Variants in ATG4D observed in about 807,000 individuals in gnomAD.
ATG4D encodes the protein cysteine protease ATG4D.
In ATG4D, 51 loss-of-function variants were observed where a neutral mutation model predicts 55.2. That is an observed-to-expected ratio of 0.92 (90% CI 0.74 to 1.17). ATG4D has a LOEUF of 1.17. Among genes scored for constraint, ATG4D ranks in the 50% most tolerant of loss-of-function variants. The pLI is 0.00. For missense variants in ATG4D, 635 were observed against 649.6 expected, an observed-to-expected ratio of 0.98 and a Z score of 0.25; for synonymous variants, 268 against 266.2, an observed-to-expected ratio of 1.01 and a Z score of -0.07.
In ATG4D at chr19:10,544,954, T is replaced by G; in HGVS notation, c.320-3T>G. ...GTGGCAGCTGACAGACCCGCTCTTG[T>G]AGGTGACATACAGCGTTTCCAGCGG... On this transcript the variant is annotated splice_region_variant and splice_polypyrimidine_tract_variant and intron_variant, in intron 2 of 9. Transcript: ENST00000309469. 6.3e-7 allele frequency: 1 copy of G among 1,584,532 alleles called. No individual in the cohort carries two copies. Among genetic ancestry groups the G allele is most frequent in the Non-Finnish European group, 8.6e-7 (1 of 1,163,418 alleles).
At chr19:10,547,539 G>A (rs1368120002) in intron 5 of ATG4D, among the ~76,000 whole-genome samples, 1 of 149,300 alleles carries the variant, frequency 6.7e-6, no homozygotes, top group South Asian at 2.2e-4. Context: ...GAGGTGGGAG[G>A]ATTGCTTGAA....
chr19:10,544,758 G>T (rs748159013), intron 1 of ATG4D, 25 bp from the exon 2 acceptor site: 1 of 1,612,850 alleles, frequency 6.2e-7, no homozygotes, highest in South Asian at 1.1e-5. Context: ...TCATCTCGCT[G>T]GGCGCTGCCC....
Position 10,548,977 on chromosome 19 carries a change from G to A in ATG4D, c.909G>A (p.Leu303=). The A allele has an allele frequency of 6.2e-7, 1 of 1,614,086 alleles. No individual in the cohort carries two copies. Among genetic ancestry groups the A allele is most frequent in the Non-Finnish European group, 8.5e-7 (1 of 1,180,012 alleles). Residue 303 remains leucine, a synonymous_variant, in exon 6 of 10, where the codon CTG becomes CTA. Transcript: ENST00000309469. Reference sequence around the variant, plus strand: ...CCGAGTGGAAGTCTGTGGTCATCCTGGTGCCCGTGCGACTGGGTGGCGAGA... The same window carrying A: ...CCGAGTGGAAGTCTGTGGTCATCCTAGTGCCCGTGCGACTGGGTGGCGAGA... ...PTAEWKSVVI[L]VPVRLGGETL... is the part of the protein sequence containing the mutation.
intron 9 of ATG4D, among the ~76,000 whole-genome samples, chr19:10,552,546 A>T (rs1383913315): frequency 1.3e-5 from 2 of 152,198 alleles, no homozygotes; most frequent in Non-Finnish European, 2.9e-5. Context: ...CAGGGGCTCA[A>T]GTGGTGGGAA....
rs546774525 is a variant in ATG4D at position 10,553,103 on chromosome 19, A to AT, written c.*43dup. 58 of 1,548,378 alleles carry AT rather than the reference A, an allele frequency of 3.7e-5. 1 individual carries two copies. The South Asian group carries it at 6.2e-4, about 17-fold the overall frequency. On this transcript the variant is annotated 3_prime_UTR_variant, in exon 10 of 10. Coordinates refer to ENST00000309469, the MANE Select transcript of ATG4D (RefSeq NM_032885.6). ...TGAGGGGAAAGATACAACACTATTT[A>AT]TTTTTTTATTTATGTCATGTCGGGT...
chr19:10,546,762 G>A, intron 3 of ATG4D, 77 bp from the exon 4 acceptor site: 2 of 1,439,466 alleles, frequency 1.4e-6, no homozygotes, highest in African/African-American at 1.4e-5. Flanking sequence ...CATTCGCATT[G>A]TGTGCGGTGC....
chr19:10,544,725 G>A, intron 1 of ATG4D, 58 bp from the exon 2 acceptor site: 1 of 1,605,252 alleles, frequency 6.2e-7, no homozygotes, highest in African/African-American at 1.3e-5. Context: ...GAATGGAAGC[G>A]CTGTTGCTGT....
chr19:10,547,371 T>C, intron 5 of ATG4D, 118 bp downstream of exon 5: 1 of 1,225,198 alleles, frequency 8.2e-7, no homozygotes. Context: ...AGAGGGACAC[T>C]GGGGAAGGAT....
At chr19:10,548,836 G>A in intron 5 of ATG4D, 68 bp from the exon 6 acceptor site, 1 of 1,577,424 alleles carries the variant, frequency 6.3e-7, no homozygotes, top group South Asian at 1.2e-5. Context: ...GAGCCCCTGG[G>A]GTTAGAGGGC....
chr19:10,548,225 G>A (rs1039923105), intron 5 of ATG4D, among the ~76,000 whole-genome samples: 3 of 150,096 alleles, frequency 2.0e-5, no homozygotes, highest in African/African-American at 7.4e-5. Context: ...TAGAGTTGGG[G>A]TTTCACTGTC....
Position 10,552,953 on chromosome 19 carries a change from C to T in ATG4D, c.1311C>T (p.Asp437=). ...MFTLAEGHAQ[D]HSLDDLCSQL... ...CCCTGGCCGAGGGCCATGCTCAGGA[C>T]CACAGCCTGGACGACCTCTGCTCCC... Residue 437 remains aspartate, a synonymous_variant, in exon 10 of 10, where the codon GAC becomes GAT. Transcript: ENST00000309469. 2 of 1,613,794 alleles carry T rather than the reference C, an allele frequency of 1.2e-6. No individual in the cohort carries two copies. The highest frequency in any genetic ancestry group is 1.7e-6 in the Non-Finnish European group (2 of 1,179,996).
At chr19:10,551,697 CAAA>C (rs35373422) in intron 6 of ATG4D, among the ~76,000 whole-genome samples, 197 bp from the exon 7 acceptor site, 5 of 93,014 alleles carry the variant, frequency 5.4e-5, no homozygotes, top group African/African-American at 1.4e-4. Flanking sequence ...GACTCCGTCT[CAAA>C]AAAAAAAAAA....
At chr19:10,549,100 AG>A in intron 6 of ATG4D, 66 bp downstream of exon 6, 1 of 1,582,010 alleles carries the variant, frequency 6.3e-7, no homozygotes. Flanking sequence ...AGTTTGTGTT[AG>A]GGCTGCTGTT....
In ATG4D at chr19:10,552,072, A is replaced by G. The variant is rs1240619853; in HGVS notation, c.1073A>G (p.His358Arg). The G allele has an allele frequency of 1.2e-6, 2 of 1,606,374 alleles. No homozygotes were observed. Among genetic ancestry groups the G allele is most frequent in the East Asian group, 4.5e-5 (2 of 44,724 alleles). Residue 358 changes from histidine (H) to arginine (R), a missense_variant, in exon 8 of 10, where the codon CAC becomes CGC. Physicochemically the swap from His to Arg is conservative, Grantham distance 29. Coordinates refer to ENST00000309469, the MANE Select transcript of ATG4D (RefSeq NM_032885.6). Reference protein sequence around the residue: ...QDDFLLYLDPHYCQPTVDVSQ... With the variant: ...QDDFLLYLDPRYCQPTVDVSQ... ...GACTTCCTGCTGTACCTGGACCCTC[A>G]CTACTGCCAGCCCACTGTGGATGTC... is the stretch of plus-strand genomic sequence containing the variant.
rs921949735 is a variant in ATG4D, at chr19:10,544,054, C to G, written c.-37C>G. ...CCTTGGGGGGCAGCGGCCGCAGCCC[C>G]CCACCTGGGCCCTCGGTCCGCCCTC... On this transcript the variant is annotated 5_prime_UTR_variant, in exon 1 of 10. Transcript: ENST00000309469. 3 of 1,220,194 alleles carry G rather than the reference C, an allele frequency of 2.5e-6. No individual in the cohort carries two copies. The African/African-American group carries it at 4.7e-5, about 19-fold the overall frequency. 75.6% of individuals were successfully genotyped at this position (1,220,194 alleles called of 1,614,324 possible).
intron 9 of ATG4D, 53 bp from the exon 10 acceptor site, chr19:10,552,832 G>T: frequency 2.6e-6 from 4 of 1,543,010 alleles, no homozygotes; most frequent in Non-Finnish European, 3.5e-6. Flanking sequence ...CCTGGGCTAA[G>T]GAATATGGCT....
At chr19:10,549,504 G>A (rs1916155290) in intron 6 of ATG4D, among the ~76,000 whole-genome samples, 1 of 151,948 alleles carries the variant, frequency 6.6e-6, no homozygotes, top group Non-Finnish European at 1.5e-5. Flanking sequence ...TGCAACCTCC[G>A]CCTCCCGAGT....
Position 10,553,009 on chromosome 19 carries a change from G to C in ATG4D, c.1367G>C (p.Arg456Pro). The C allele has an allele frequency of 2.5e-6, 4 of 1,612,596 alleles. No individual in the cohort carries two copies. Among genetic ancestry groups the C allele is most frequent in the Non-Finnish European group, 3.4e-6 (4 of 1,179,968 alleles). ...GCCCAGCCCACACTCCGGCTCCCTCGCACAGGGCGGCTCCTCAGGGCCAAA... is the reference window on the plus strand; with the variant it reads ...GCCCAGCCCACACTCCGGCTCCCTCCCACAGGGCGGCTCCTCAGGGCCAAA... The part of the protein sequence containing the change: ...QLAQPTLRLP[R>P]TGRLLRAKRP... The change falls in exon 10 of 10, where the codon CGC becomes CCC. Residue 456 changes from arginine (R) to proline (P), a missense_variant. Arg to Pro is a moderately radical substitution (Grantham distance 103, BLOSUM62 -2). Transcript: ENST00000309469.
In ATG4D at chr19:10,544,937, T is replaced by C. The variant is rs565308095; in HGVS notation, c.320-20T>C. On this transcript the variant is annotated intron_variant, in intron 2 of 9. Coordinates refer to ENST00000309469, the MANE Select transcript of ATG4D (RefSeq NM_032885.6). ...CCGCCGGAGTGTCCCTGGTGGCAGCTGACAGACCCGCTCTTGTAGGTGACA... is the reference window on the plus strand; with the variant it reads ...CCGCCGGAGTGTCCCTGGTGGCAGCCGACAGACCCGCTCTTGTAGGTGACA... The C allele has an allele frequency of 8.9e-6, 14 of 1,581,754 alleles. No individual in the cohort carries two copies. The South Asian group carries it at 1.6e-4, about 18-fold the overall frequency.
Sources: gnomAD v4.1 joint callset for allele counts (sites outside exome capture counted in the v4.1 genomes callset) on GRCh38, gnomAD v4.1.1 for gene constraint, MANE v1.5 for transcripts, NCBI Gene and HGNC (gene_info 2026-07-23, HGNC 2026-07-21) for gene names.